TIAM2: variants seen among roughly 807,000 people sequenced by gnomAD.
The protein encoded by TIAM2 is TIAM Rac1 associated GEF 2.
A neutral mutation model predicts 152.9 loss-of-function variants in TIAM2; 80 were observed. The observed-to-expected ratio is 0.52, with a 90% CI of 0.44 to 0.63. TIAM2 has a LOEUF of 0.63. TIAM2 is among the 30% of genes least tolerant of loss of function. TIAM2 has a pLI of 0.00. For missense variants in TIAM2, 1,965 were observed against 2,120.1 expected (o/e 0.93, Z 1.44); for synonymous variants, 804 against 838.0 (o/e 0.96, Z 0.70).
intron 7 of TIAM2, among the ~76,000 whole-genome samples, chr6:155,158,083 T>C (rs1780169884): frequency 6.6e-6 from 1 of 152,216 alleles, no homozygotes; most frequent in Non-Finnish European, 1.5e-5. Context: ...CGGGAGTTTT[T>C]CAGCTTCTTA....
chr6:155,203,911 G>T (rs1302948414), intron 14 of TIAM2, among the ~76,000 whole-genome samples: 1 of 152,208 alleles, frequency 6.6e-6, no homozygotes, highest in Non-Finnish European at 1.5e-5. Context: ...TAGAGGTAAA[G>T]TTGAGGTCCT....
Position 155,176,888 on chromosome 6 carries a change from A to G in TIAM2, c.2434A>G (p.Thr812Ala), listed in dbSNP as rs1180372761. The G allele has an allele frequency of 1.2e-6, 2 of 1,614,124 alleles. No individual in the cohort carries two copies. The highest frequency in any genetic ancestry group is 2.2e-5 in the South Asian group (2 of 91,076). ...CCGAGACAATGCATGGGAAATCCAG[A>G]CTTATGTCCACTTTCAGGACAATCA... ...VPRDNAWEIQ[T>A]YVHFQDNHGV... Residue 812 changes from threonine to alanine, a missense_variant, in exon 10 of 27, where the codon ACT becomes GCT. Physicochemically the swap from Thr to Ala is moderately conservative, Grantham distance 58. Coordinates refer to ENST00000682666, the MANE Select transcript of TIAM2 (RefSeq NM_012454.4).
intron 2 of TIAM2, among the ~76,000 whole-genome samples, chr6:155,123,375 C>T (rs1779218228): frequency 6.6e-6 from 1 of 152,110 alleles, no homozygotes; most frequent in Non-Finnish European, 1.5e-5. Flanking sequence ...GGAGGATTCC[C>T]GCCCTTGGTC....
chr6:155,029,221 A>G (rs186727465), intron 1 of TIAM2, among the ~76,000 whole-genome samples: 15 of 103,672 alleles, frequency 1.4e-4, no homozygotes, highest in Admixed American at 7.0e-4. Context: ...TATATACACT[A>G]TATGTACTAT....
At position 154,995,594 on chromosome 6, in the gene TIAM2, C is replaced by T. The variant is rs112171593; in HGVS notation, c.-209+102C>T. On this transcript the variant is annotated intron_variant, in intron 1 of 26. Coordinates refer to ENST00000682666, the MANE Select transcript of TIAM2 (RefSeq NM_012454.4). The surrounding 1 kb of genome is among the most constrained non-coding windows in gnomAD (Gnocchi z 5.2). Reference sequence around the variant, plus strand: ...CGGGGCGGCGCGCGGCCGGCGGTCCCCTCCCTTCCCCTTTGTTGGCCGCCC... The same window carrying T: ...CGGGGCGGCGCGCGGCCGGCGGTCCTCTCCCTTCCCCTTTGTTGGCCGCCC... 11,718 of 151,980 alleles carry T rather than the reference C, an allele frequency of 0.077. 568 individuals carry two copies. The highest frequency in any genetic ancestry group is 0.14 in the African/African-American group (5,689 of 41,480). 9.4% of individuals were successfully genotyped at this position (151,980 alleles called of 1,614,324 possible). A position where few individuals can be genotyped will look rare whatever the true frequency, so the allele number is the denominator to read the frequency against.
At position 155,243,996 on chromosome 6, in the gene TIAM2, T is replaced by C; in HGVS notation, c.3349-15T>C. ...GACTAAAGCGTTGAAGACACTTTCT[T>C]CTATTTTCTTTCAGGATTTGAGCTG... On this transcript the variant is annotated splice_polypyrimidine_tract_variant and intron_variant, in intron 16 of 26. Coordinates refer to ENST00000682666, the MANE Select transcript of TIAM2 (RefSeq NM_012454.4). The C allele has an allele frequency of 6.2e-7, 1 of 1,613,760 alleles. No individual in the cohort carries two copies. Among genetic ancestry groups the C allele is most frequent in the Admixed American group, 1.7e-5 (1 of 59,996 alleles).
At chr6:155,167,840 C>T (rs903984823) in intron 9 of TIAM2, among the ~76,000 whole-genome samples, 2 of 152,012 alleles carry the variant, frequency 1.3e-5, no homozygotes, top group Non-Finnish European at 1.5e-5. Flanking sequence ...TAACTAATGT[C>T]CTTAAGGTAT....
intron 1 of TIAM2, among the ~76,000 whole-genome samples, chr6:155,035,043 G>A (rs567163510): frequency 6.6e-6 from 1 of 152,118 alleles, no homozygotes; most frequent in African/African-American, 2.4e-5. Context: ...AACCTATATG[G>A]GTCCACGAAG....
At chr6:155,059,942 A>G (rs746107748) in intron 1 of TIAM2, among the ~76,000 whole-genome samples, 8 of 152,218 alleles carry the variant, frequency 5.3e-5, no homozygotes, top group Non-Finnish European at 1.0e-4. Context: ...GAAAACTAAC[A>G]TAGTGTTCAG....
At chr6:155,138,765 T>A (rs1007255710) in intron 5 of TIAM2, among the ~76,000 whole-genome samples, 1 of 152,222 alleles carries the variant, frequency 6.6e-6, no homozygotes, top group Non-Finnish European at 1.5e-5. Context: ...GGACAGGAAC[T>A]CATCCTTTTT....
chr6:155,053,762 C>T (rs754066398), intron 1 of TIAM2, among the ~76,000 whole-genome samples: 4 of 152,130 alleles, frequency 2.6e-5, no homozygotes, highest in Non-Finnish European at 4.4e-5. Flanking sequence ...TGAGCCACTA[C>T]GCCTGGCCTA....
At chr6:155,042,275 A>G (rs1982770) in intron 1 of TIAM2, among the ~76,000 whole-genome samples, 37,648 of 151,446 alleles carry the variant, frequency 0.25, 4,732 homozygotes, top group Middle Eastern at 0.29. Context: ...AGGGCTTGGT[A>G]AGTTTGGCCT....
intron 7 of TIAM2, among the ~76,000 whole-genome samples, chr6:155,149,530 A>G (rs1779899612): frequency 6.6e-6 from 1 of 152,254 alleles, no homozygotes; most frequent in African/African-American, 2.4e-5. Flanking sequence ...GGAATTTTAC[A>G]TGTGGTGTTT....
At chr6:155,208,759 T>C (rs1409058818) in intron 14 of TIAM2, among the ~76,000 whole-genome samples, 4 of 152,162 alleles carry the variant, frequency 2.6e-5, no homozygotes, top group Admixed American at 6.5e-5. Flanking sequence ...CATCCCTTTT[T>C]TCTGTTGCTC....
chr6:155,015,163 G>A (rs1583150414), intron 1 of TIAM2, among the ~76,000 whole-genome samples: 1 of 152,066 alleles, frequency 6.6e-6, no homozygotes, highest in Admixed American at 6.6e-5. Flanking sequence ...TCCAGATGAG[G>A]CAGCTGGCTG....
chr6:155,080,117 TGTCAA>T (rs1778031523), intron 1 of TIAM2, among the ~76,000 whole-genome samples: 1 of 152,184 alleles, frequency 6.6e-6, no homozygotes, highest in Admixed American at 6.5e-5. Context: ...AGTAGCCTTC[TGTCAA>T]GTGTTTTTCT....
At chr6:155,104,159 G>T (rs972400392) in intron 2 of TIAM2, among the ~76,000 whole-genome samples, 1 of 149,874 alleles carries the variant, frequency 6.7e-6, no homozygotes, top group Non-Finnish European at 1.5e-5. Context: ...CCCGGGGCTT[G>T]TGGTTACTTG....
At chr6:155,067,139 C>T (rs1196342333) in intron 1 of TIAM2, among the ~76,000 whole-genome samples, 3 of 152,066 alleles carry the variant, frequency 2.0e-5, no homozygotes, top group Non-Finnish European at 2.9e-5. Flanking sequence ...GCCGCAGGAT[C>T]GTAGGACCCC....
chr6:155,162,093 G>T (rs1780287631), intron 7 of TIAM2, among the ~76,000 whole-genome samples: 1 of 152,002 alleles, frequency 6.6e-6, no homozygotes, highest in African/African-American at 2.4e-5. Context: ...AAGTAGCTGG[G>T]ACTACAGGCA....
Sources: allele counts gnomAD v4.1 joint callset (sites outside exome capture counted in the v4.1 genomes callset), GRCh38; gene constraint gnomAD v4.1.1; non-coding constraint Gnocchi (gnomAD v3.1); transcripts MANE v1.5; gene names NCBI Gene and HGNC (gene_info 2026-07-23, HGNC 2026-07-21).